Variants in CCDC68 observed in about 807,000 individuals in gnomAD.
The protein encoded by CCDC68 is coiled-coil domain containing 68.
A neutral mutation model predicts 47.1 loss-of-function variants in CCDC68; 45 were observed. The observed-to-expected ratio is 0.96, with a 90% CI of 0.75 to 1.23. The LOEUF is 1.23. Ranked by LOEUF, CCDC68 falls within the 50% of genes most tolerant of loss-of-function variation. The pLI is 0.00. For missense variants in CCDC68, 353 were observed against 373.6 expected (o/e 0.94, Z 0.45); for synonymous variants, 131 against 129.5 (o/e 1.01, Z -0.08).
chr18:54,937,517 C>A (rs2044368869), intron 5 of CCDC68: 1 of 153,230 alleles, frequency 6.5e-6, no homozygotes. Context: ...CAGCAATAGA[C>A]AAATGTAAAA....
chr18:54,916,681 G>A (rs2043957858), intron 10 of CCDC68, among the ~76,000 whole-genome samples: 1 of 152,168 alleles, frequency 6.6e-6, no homozygotes, highest in Admixed American at 6.5e-5. Context: ...CTTGGCAGGG[G>A]CTTCATTGCA....
intron 3 of CCDC68, among the ~76,000 whole-genome samples, chr18:54,941,991 T>A (rs533876306): frequency 5.3e-5 from 8 of 152,216 alleles, no homozygotes; most frequent in Middle Eastern, 3.4e-3. Flanking sequence ...AGAGACGGGA[T>A]TTCTCCATGT....
Position 54,941,099 on chromosome 18 carries a change from A to G in CCDC68, c.118-16T>C, listed in dbSNP as rs575298058. ...TAGTTCGAATCTAGAGAAGGAAAAC[A>G]AAACCATTTGTTTCAAAGGCATTTA... On this transcript the variant is annotated splice_polypyrimidine_tract_variant and intron_variant, in intron 3 of 11. Coordinates refer to ENST00000591504, the MANE Select transcript of CCDC68 (RefSeq NM_025214.3). 1.4e-4 allele frequency: 224 copies of G among 1,584,042 alleles called. No homozygotes were observed. The African/African-American group carries it at 2.9e-3, about 21-fold the overall frequency.
intron 11 of CCDC68, among the ~76,000 whole-genome samples, chr18:54,906,879 T>C (rs1183387944): frequency 1.3e-5 from 2 of 152,220 alleles, no homozygotes; most frequent in African/African-American, 2.4e-5. Flanking sequence ...TAGTCTCTAA[T>C]TACATACATC....
chr18:54,903,275 A>G lies in CCDC68; in HGVS notation c.*1083T>C, dbSNP rs777740243. 2 of 152,136 alleles carry G rather than the reference A, an allele frequency of 1.3e-5. No individual in the cohort carries two copies. The highest frequency in any genetic ancestry group is 6.5e-5 in the Admixed American group (1 of 15,280). The allele number at this position is 152,136 out of a possible 1,614,324, so 9.4% of individuals were successfully genotyped here. ...TAAAGGAAATTCATCCTTTAGGGGG[A>G]CCAAGGTCTCTCATTATACATTTAA... is the stretch of plus-strand genomic sequence containing the variant. On this transcript the variant is annotated 3_prime_UTR_variant, in exon 12 of 12. Transcript: ENST00000591504.
chr18:54,906,107 T>C (rs1287576448), intron 11 of CCDC68, among the ~76,000 whole-genome samples: 4 of 152,272 alleles, frequency 2.6e-5, no homozygotes, highest in Non-Finnish European at 2.9e-5. Context: ...TAGAAATAAA[T>C]GTAATGCACT....
intron 11 of CCDC68, among the ~76,000 whole-genome samples, chr18:54,905,012 C>A (rs1913905997): frequency 6.6e-6 from 1 of 152,112 alleles, no homozygotes; most frequent in Non-Finnish European, 1.5e-5. Context: ...GTAATCCCAA[C>A]ACTTTGGGAG....
At position 54,946,295 on chromosome 18, in the gene CCDC68, C is replaced by T. The variant is rs191021616; in HGVS notation, c.-102-818G>A. Among the ~76,000 whole-genome samples, 76 of 152,256 alleles carry T rather than the reference C, an allele frequency of 5.0e-4. 1 individual carries two copies. The highest frequency in any genetic ancestry group is 1.7e-3 in the African/African-American group (72 of 41,538). ...GACAGAGAAAGTACGTGGCAGGCAA[C>T]GCCTAAAATATTTCCTTATCTAGCC... On this transcript the variant is annotated intron_variant, in intron 1 of 11. Transcript: ENST00000591504.
chr18:54,933,167 C>T (rs577262983), intron 7 of CCDC68, among the ~76,000 whole-genome samples: 5 of 152,158 alleles, frequency 3.3e-5, no homozygotes, highest in South Asian at 2.1e-4. Context: ...CTGCAACCTC[C>T]GCCTCCTGGG....
At chr18:54,922,140 A>C (rs1474932951) in intron 8 of CCDC68, among the ~76,000 whole-genome samples, 1 of 152,210 alleles carries the variant, frequency 6.6e-6, no homozygotes, top group East Asian at 1.9e-4. Flanking sequence ...GAATGGCTGC[A>C]TCAGCACACC....
At chr18:54,931,814 G>A (rs1363075958) in intron 7 of CCDC68, among the ~76,000 whole-genome samples, 1 of 152,104 alleles carries the variant, frequency 6.6e-6, no homozygotes, top group Non-Finnish European at 1.5e-5. Context: ...AGACGGTGAA[G>A]GTTTTAAGTA....
In CCDC68 at chr18:54,907,831, G is replaced by C; in HGVS notation, c.905C>G (p.Ser302Ter). 6.2e-7 allele frequency: 1 copy of C among 1,608,486 alleles called. No individual in the cohort carries two copies. The highest frequency in any genetic ancestry group is 1.1e-5 in the South Asian group (1 of 90,952). Residue 302 changes from serine to a stop codon, truncating the protein, a stop_gained, in exon 11 of 12, where the codon TCA becomes TGA. Transcript: ENST00000591504. LOFTEE classifies it high-confidence loss of function. ...NKELKTQVALSSETPRTKVSK... is the reference protein window; with the variant it reads ...NKELKTQVAL ...TACCTTTGTCCTAGGAGTTTCAGAT[G>C]AAAGTGCTACCTGGGTTTTTAGTTC...
chr18:54,911,499 T>C (rs1914364764), intron 10 of CCDC68, among the ~76,000 whole-genome samples: 1 of 152,232 alleles, frequency 6.6e-6, no homozygotes, highest in Non-Finnish European at 1.5e-5. Flanking sequence ...GCAATCATCA[T>C]TTCACTGTGA....
intron 4 of CCDC68, among the ~76,000 whole-genome samples, chr18:54,940,605 C>T (rs1434469834): frequency 6.6e-6 from 1 of 152,158 alleles, no homozygotes; most frequent in East Asian, 1.9e-4. Context: ...GGAGTGCATT[C>T]AAACTTATCA....
intron 11 of CCDC68, among the ~76,000 whole-genome samples, chr18:54,907,234 G>T (rs1051189260): frequency 1.3e-5 from 2 of 152,136 alleles, no homozygotes; most frequent in Non-Finnish European, 2.9e-5. Flanking sequence ...GACTTAGATG[G>T]TTTCAACCAT....
At chr18:54,940,668 T>C (rs2044421517) in intron 4 of CCDC68, among the ~76,000 whole-genome samples, 1 of 152,240 alleles carries the variant, frequency 6.6e-6, no homozygotes, top group South Asian at 2.1e-4. Context: ...CAACTGTATG[T>C]GTCTATTCAT....
chr18:54,935,200 G>A (rs1056088011), intron 6 of CCDC68, among the ~76,000 whole-genome samples: 4 of 152,092 alleles, frequency 2.6e-5, no homozygotes, highest in Non-Finnish European at 5.9e-5. Context: ...CATACTTCCT[G>A]AACAGGTATA....
intron 10 of CCDC68, among the ~76,000 whole-genome samples, chr18:54,916,330 T>C (rs1337359398): frequency 6.6e-6 from 1 of 152,032 alleles, no homozygotes; most frequent in African/African-American, 2.4e-5. Context: ...AAGGTAGAAA[T>C]GGAAAATGAG....
At position 54,941,093 on chromosome 18, in the gene CCDC68, G is replaced by GAA; in HGVS notation, c.118-12_118-11dup. 3.3e-6 allele frequency: 5 copies of GAA among 1,508,792 alleles called. No homozygotes were observed. Among genetic ancestry groups the GAA allele is most frequent in the Non-Finnish European group, 4.5e-6 (5 of 1,101,446 alleles). The allele number at this position is 1,508,792 out of a possible 1,614,324, so 93.5% of individuals were successfully genotyped here. A position where few individuals can be genotyped will look rare whatever the true frequency, so the allele number is the denominator to read the frequency against. On this transcript the variant is annotated splice_polypyrimidine_tract_variant and intron_variant, in intron 3 of 11. Coordinates refer to ENST00000591504, the MANE Select transcript of CCDC68 (RefSeq NM_025214.3). ...GCAGAGTAGTTCGAATCTAGAGAAG[G>GAA]AAAACAAAACCATTTGTTTCAAAGG...
Sources: allele counts gnomAD v4.1 joint callset (sites outside exome capture counted in the v4.1 genomes callset), GRCh38; gene constraint gnomAD v4.1.1; transcripts MANE v1.5; gene names NCBI Gene and HGNC (gene_info 2026-07-23, HGNC 2026-07-21).